Variants in SLC15A1 observed in about 807,000 individuals in gnomAD.
SLC15A1 encodes the protein solute carrier family 15 member 1.
Under a neutral mutation model 92.9 loss-of-function variants are expected in SLC15A1, and 83 were observed. That is an observed-to-expected ratio of 0.89 (90% CI 0.75 to 1.07). The LOEUF is 1.07. SLC15A1 is among the 50% of genes least tolerant of loss of function. The pLI is 0.00. For missense variants in SLC15A1, 857 were observed against 880.1 expected (o/e 0.97, Z 0.33); for synonymous variants, 322 against 318.2 (o/e 1.01, Z -0.13).
chr13:98,709,762 T>A lies in SLC15A1; in HGVS notation c.958A>T (p.Ile320Phe). 6.2e-7 allele frequency: 1 copy of A among 1,614,136 alleles called. No individual in the cohort carries two copies. The highest frequency in any genetic ancestry group is 1.1e-5 in the South Asian group (1 of 91,078). The stretch of plus-strand genomic sequence containing the variant: ...TCTACCTGCATCTGATCGGGCTGAA[T>A]TTCAAGAGCTCCCTAAAAAGAGAGG... ...TMSGKIGALE[I>F]QPDQMQTVNA... is the part of the protein sequence containing the mutation. Residue 320 changes from isoleucine to phenylalanine, a missense_variant, in exon 13 of 23, where the codon ATT (isoleucine) becomes TTT (phenylalanine). Physicochemically the swap from Ile to Phe is conservative, Grantham distance 21. Transcript: ENST00000376503.
Position 98,752,579 on chromosome 13 carries a change from C to T in SLC15A1, c.4+16G>A, listed in dbSNP as rs8187813. On this transcript the variant is annotated intron_variant, in intron 1 of 22. Coordinates refer to ENST00000376503, the MANE Select transcript of SLC15A1 (RefSeq NM_005073.4). ...CGAGTCTTTAGCCCGGCCGGCCCCC[C>T]ACCCGCCGAGCGTACCCATGGCGGC... The T allele has an allele frequency of 2.1e-5, 26 of 1,260,182 alleles. No individual in the cohort carries two copies. The highest frequency in any genetic ancestry group is 4.2e-5 in the Admixed American group (1 of 23,942). 78.1% of individuals were successfully genotyped at this position (1,260,182 alleles called of 1,614,324 possible). A position where few individuals can be genotyped will look rare whatever the true frequency, so the allele number is the denominator to read the frequency against.
At chr13:98,734,306 C>T (rs2088373093) in intron 1 of SLC15A1, among the ~76,000 whole-genome samples, 1 of 152,180 alleles carries the variant, frequency 6.6e-6, no homozygotes. Flanking sequence ...CGATATAGCT[C>T]CCCTTTCCAA....
intron 1 of SLC15A1, among the ~76,000 whole-genome samples, chr13:98,740,254 G>A (rs1293854793): frequency 1.3e-5 from 2 of 152,202 alleles, no homozygotes; most frequent in Non-Finnish European, 2.9e-5. Context: ...CCTGGGGCAG[G>A]GAGGTGCTTG....
Position 98,688,541 on chromosome 13 carries a change from T to C in SLC15A1, c.1503A>G (p.Thr501=). 1 of 1,614,038 alleles carries C rather than the reference T, an allele frequency of 6.2e-7. No individual in the cohort carries two copies. The highest frequency in any genetic ancestry group is 8.5e-7 in the Non-Finnish European group (1 of 1,179,966). ...VNTFNELITI[T]MSGKVYANIS... is the part of the protein sequence containing the mutation. The stretch of plus-strand genomic sequence containing the variant: ...TGTTTGCATAAACTTTCCCACTCAT[T>C]GTGATGGTGATGAGCTCGTTAAAAG... Residue 501 remains threonine (T), a synonymous_variant, in exon 19 of 23, where the codon ACA becomes ACG. Coordinates refer to ENST00000376503, the MANE Select transcript of SLC15A1 (RefSeq NM_005073.4).
chr13:98,721,263 A>G lies in SLC15A1; in HGVS notation c.556+232T>C, dbSNP rs545699871. 372 of 659,544 alleles carry G rather than the reference A, an allele frequency of 5.6e-4. 4 individuals are homozygous for G. In the African/African-American group the frequency reaches 6.1e-3, roughly 11 times the overall value. 40.9% of individuals were successfully genotyped at this position (659,544 alleles called of 1,614,324 possible). A position where few individuals can be genotyped will look rare whatever the true frequency, so the allele number is the denominator to read the frequency against. ...GTTTAGGAAGATGGATGCCCATGCT[A>G]AGGATGGCTTAGACTCTCCAGTGGT... On this transcript the variant is annotated intron_variant, in intron 7 of 22. Coordinates refer to ENST00000376503, the MANE Select transcript of SLC15A1 (RefSeq NM_005073.4).
chr13:98,688,481 A>G lies in SLC15A1; in HGVS notation c.1563T>C (p.Phe521=), dbSNP rs778677207. 1.2e-6 allele frequency: 2 copies of G among 1,613,842 alleles called. No individual in the cohort carries two copies. Among genetic ancestry groups the G allele is most frequent in the Non-Finnish European group, 1.7e-6 (2 of 1,179,764 alleles). ...SSYNASTYQF[F]PSGIKGFTIS... is the part of the protein sequence containing the mutation. ...GTCTCGGTACTTACATGCCAGAAGG[A>G]AAAAACTGGTATGTGCTGGCATTGT... is the stretch of plus-strand genomic sequence containing the variant. Residue 521 remains phenylalanine (F), a synonymous_variant, in exon 19 of 23, where the codon TTT becomes TTC. Transcript: ENST00000376503.
At chr13:98,694,975 C>A (rs1342258585) in intron 18 of SLC15A1, among the ~76,000 whole-genome samples, 2 of 136,990 alleles carry the variant, frequency 1.5e-5, no homozygotes, top group African/African-American at 5.5e-5. Context: ...GAGCCAAGAT[C>A]ACACCACTGC....
intron 8 of SLC15A1, among the ~76,000 whole-genome samples, chr13:98,717,790 A>C (rs188633986): frequency 4.1e-4 from 63 of 152,310 alleles, no homozygotes; most frequent in African/African-American, 1.5e-3. Context: ...AAAATTGGAG[A>C]GAGAGACGTG....
intron 1 of SLC15A1, among the ~76,000 whole-genome samples, chr13:98,747,780 C>T (rs2088506135): frequency 6.6e-6 from 1 of 152,116 alleles, no homozygotes; most frequent in African/African-American, 2.4e-5. Flanking sequence ...ACTCTGGAGG[C>T]TGAGACAGGA....
chr13:98,689,903 G>A (rs187029487), intron 18 of SLC15A1, among the ~76,000 whole-genome samples: 1 of 152,322 alleles, frequency 6.6e-6, no homozygotes, highest in East Asian at 1.9e-4. Flanking sequence ...AAAGTCCCGT[G>A]AGGCTACGCT....
rs376156451 is a variant in SLC15A1 at position 98,721,759 on chromosome 13, T to C, written c.465+45A>G. 16 of 1,559,850 alleles carry C rather than the reference T, an allele frequency of 1.0e-5. No homozygotes were observed. The African/African-American group carries it at 2.0e-4, about 20-fold the overall frequency. ...GTGCCCGTGGCCTCTGACTCCTGGA[T>C]GTGTAGTTCATTCACGTGGGCTCTG... On this transcript the variant is annotated intron_variant, in intron 6 of 22. Transcript: ENST00000376503.
Position 98,706,129 on chromosome 13 carries a change from C to G in SLC15A1, c.1269+5G>C. On this transcript the variant is annotated splice_donor_5th_base_variant and intron_variant, in intron 16 of 22. Coordinates refer to ENST00000376503, the MANE Select transcript of SLC15A1 (RefSeq NM_005073.4). ...AAAAGAAGGCAGCAATTTCCTTCTACTTACTTGAGACATTGGGCCAAGTGT... is the reference window on the plus strand; with the variant it reads ...AAAAGAAGGCAGCAATTTCCTTCTAGTTACTTGAGACATTGGGCCAAGTGT... 1 of 1,604,726 alleles carries G rather than the reference C, an allele frequency of 6.2e-7. No individual in the cohort carries two copies. The highest frequency in any genetic ancestry group is 1.1e-5 in the South Asian group (1 of 88,502).
In SLC15A1 at chr13:98,719,318, G is replaced by C. The variant is rs148002525; in HGVS notation, c.559C>G (p.Gln187Glu). 6.8e-6 allele frequency: 11 copies of C among 1,610,754 alleles called. No individual in the cohort carries two copies. The African/African-American group carries it at 1.5e-4, about 22-fold the overall frequency. ...STIITPMLRV[Q>E]QCGIHSKQAC... ...TGTTTACTGTGAATTCCACATTGTT[G>C]AACTGGGGAGAAATGACAAGATTAA... Residue 187 changes from glutamine (Q) to glutamate (E), a missense_variant and splice_region_variant, in exon 8 of 23, where the codon CAA becomes GAA. Physicochemically the swap from Gln to Glu is conservative, Grantham distance 29 (BLOSUM62 2). Coordinates refer to ENST00000376503, the MANE Select transcript of SLC15A1 (RefSeq NM_005073.4).
chr13:98,743,496 T>G (rs2088465774), intron 1 of SLC15A1, among the ~76,000 whole-genome samples: 1 of 152,120 alleles, frequency 6.6e-6, no homozygotes, highest in Non-Finnish European at 1.5e-5. Flanking sequence ...CCAGCCACCT[T>G]TGGACATGCT....
intron 1 of SLC15A1, among the ~76,000 whole-genome samples, chr13:98,728,359 GA>G (rs2088319557): frequency 6.6e-6 from 1 of 152,046 alleles, no homozygotes; most frequent in Non-Finnish European, 1.5e-5. Context: ...TGAATTTTAG[GA>G]TTTTTTTCTA....
chr13:98,731,661 G>A (rs2088351829), intron 1 of SLC15A1, among the ~76,000 whole-genome samples: 1 of 152,114 alleles, frequency 6.6e-6, no homozygotes, highest in African/African-American at 2.4e-5. Flanking sequence ...TTCCTTTCCT[G>A]TGTTCCCCGG....
chr13:98,746,317 T>C (rs1172734349), intron 1 of SLC15A1, among the ~76,000 whole-genome samples: 1 of 152,204 alleles, frequency 6.6e-6, no homozygotes, highest in Non-Finnish European at 1.5e-5. Flanking sequence ...TTGTGAATAG[T>C]GCTTCAGTGA....
rs1039920850 is a variant in SLC15A1, at chr13:98,704,200, A to G, written c.1416+89T>C. ...TGAGGATGATCTAATATAACACTAT[A>G]TGGGAGTAAAACAAAGTCACACCAT... On this transcript the variant is annotated intron_variant, in intron 17 of 22. Coordinates refer to ENST00000376503, the MANE Select transcript of SLC15A1 (RefSeq NM_005073.4). 7 of 1,265,582 alleles carry G rather than the reference A, an allele frequency of 5.5e-6. No homozygotes were observed. The African/African-American group carries it at 9.2e-5, about 17-fold the overall frequency. The allele number at this position is 1,265,582 out of a possible 1,614,324, so 78.4% of individuals were successfully genotyped here. A position where few individuals can be genotyped will look rare whatever the true frequency, so the allele number is the denominator to read the frequency against.
In SLC15A1 at chr13:98,700,174, T is replaced by C. The variant is rs1365747724; in HGVS notation, c.1466+2306A>G. On this transcript the variant is annotated intron_variant, in intron 18 of 22. Transcript: ENST00000376503. ...TTCAGAGTGATATTGGCTGGGTACA[T>C]GTATTCAAATTTGTATTCAAATCTT... is the stretch of plus-strand genomic sequence containing the variant. Among the ~76,000 whole-genome samples, 5 of 152,116 alleles carry C rather than the reference T, an allele frequency of 3.3e-5. No individual in the cohort carries two copies. The South Asian group carries it at 1.0e-3, about 32-fold the overall frequency.
Sources: gnomAD v4.1 joint callset for allele counts (sites outside exome capture counted in the v4.1 genomes callset) on GRCh38, gnomAD v4.1.1 for gene constraint, MANE v1.5 for transcripts, NCBI Gene and HGNC (gene_info 2026-07-23, HGNC 2026-07-21) for gene names.